Variants in GRM1 observed in about 807,000 individuals in gnomAD.
GRM1 encodes the protein glutamate metabotropic receptor 1.
In GRM1, 33 loss-of-function variants were observed where a neutral mutation model predicts 90.9. The ratio of observed to expected loss-of-function variants is 0.36; its 90% CI spans 0.28 to 0.49. The LOEUF is 0.49. GRM1 is among the 20% of genes least tolerant of loss of function. The probability of loss-of-function intolerance (pLI) is 0.99; values close to 1 mark genes in which losing one functional copy is unlikely to be tolerated. For synonymous variants in GRM1, 700 were observed against 613.2 expected (o/e 1.14, Z -2.09); for missense variants, 1,190 against 1,534.3 (o/e 0.78, Z 3.75).
chr6:146,365,651 C>T lies in GRM1; in HGVS notation c.1602+7957C>T, dbSNP rs182865378. 2.0e-5 allele frequency among the ~76,000 whole-genome samples: 3 copies of T among 152,242 alleles called. No homozygotes were observed. The East Asian group carries it at 5.8e-4, about 29-fold the overall frequency. On this transcript the variant is annotated intron_variant, in intron 5 of 7. Coordinates refer to ENST00000282753, the MANE Select transcript of GRM1 (RefSeq NM_001278064.2). The stretch of plus-strand genomic sequence containing the variant: ...AGTATGAAAATGCAGGGTACTCATC[C>T]TACCTAGCCTTGCTCTAGCTGTCCC...
At chr6:146,236,858 A>C (rs1205749476) in intron 2 of GRM1, among the ~76,000 whole-genome samples, 1 of 151,916 alleles carries the variant, frequency 6.6e-6, no homozygotes, top group Non-Finnish European at 1.5e-5. Context: ...CAAGATTTTC[A>C]CCCTGCCCCC....
Position 146,399,252 on chromosome 6 carries a change from G to A in GRM1, c.2213G>A (p.Ser738Asn). Residue 738 changes from serine to asparagine, a missense_variant, in exon 7 of 8, where the codon AGT becomes AAT. Physicochemically the swap from Ser to Asn is conservative, Grantham distance 46 (BLOSUM62 1). Transcript: ENST00000282753. The surrounding 1 kb of genome is among the most constrained non-coding windows in gnomAD (Gnocchi z 5.4). Reference protein sequence around the residue: ...EPPMPILSYPSIKEVYLICNT... With the variant: ...EPPMPILSYPNIKEVYLICNT... ...CCTATGCCCATTCTGTCCTACCCAA[G>A]TATCAAGGAAGTCTACCTTATCTGC... The A allele has an allele frequency of 1.2e-6, 2 of 1,614,030 alleles. No homozygotes were observed. Among genetic ancestry groups the A allele is most frequent in the Non-Finnish European group, 1.7e-6 (2 of 1,179,980 alleles).
At chr6:146,241,233 G>A (rs557048508) in intron 2 of GRM1, among the ~76,000 whole-genome samples, 1 of 152,134 alleles carries the variant, frequency 6.6e-6, no homozygotes, top group East Asian at 1.9e-4. Context: ...AGTTGAAGAG[G>A]GAGGCATTCT....
intron 1 of GRM1, among the ~76,000 whole-genome samples, chr6:146,142,311 C>A (rs532976225): frequency 1.6e-4 from 25 of 152,322 alleles, no homozygotes; most frequent in African/African-American, 5.5e-4. Context: ...GTGACACAAG[C>A]ACTCCTGTGG....
At position 146,398,107 on chromosome 6, in the gene GRM1, G is replaced by C. The variant is rs147953611; in HGVS notation, c.1730-662G>C. On this transcript the variant is annotated intron_variant, in intron 6 of 7. Transcript: ENST00000282753. ...GTCTTTCCTTTCAAGAGATGGGTTA[G>C]GGGAGATTTCATTCTTCCTGGATAT... Among the ~76,000 whole-genome samples, 416 of 152,302 alleles carry C rather than the reference G, an allele frequency of 2.7e-3. 3 individuals are homozygous for C. The highest frequency in any genetic ancestry group is 9.8e-3 in the African/African-American group (406 of 41,566).
chr6:146,429,996 G>A (rs1349547059), intron 7 of GRM1, among the ~76,000 whole-genome samples: 2 of 152,144 alleles, frequency 1.3e-5, no homozygotes, highest in African/African-American at 2.4e-5. Flanking sequence ...TTGTGCAGGA[G>A]GCTTCCCTCC....
intron 7 of GRM1, among the ~76,000 whole-genome samples, chr6:146,425,430 C>A (rs116527389): frequency 2.0e-5 from 3 of 152,250 alleles, no homozygotes; most frequent in Non-Finnish European, 4.4e-5. Context: ...AGTTTTCACT[C>A]GTCTGTCTAC....
chr6:146,211,690 T>A lies in GRM1; in HGVS notation c.950+52093T>A, dbSNP rs958730919. Among the ~76,000 whole-genome samples, 5 of 152,362 alleles carry A rather than the reference T, an allele frequency of 3.3e-5. No homozygotes were observed. In the East Asian group the frequency reaches 7.7e-4, roughly 23 times the overall value. ...AAATCCATGACTATACTTAAATTTC[T>A]ATGAGCTAATTGCTCAGACAATAAA... is the stretch of plus-strand genomic sequence containing the variant. On this transcript the variant is annotated intron_variant, in intron 2 of 7. Coordinates refer to ENST00000282753, the MANE Select transcript of GRM1 (RefSeq NM_001278064.2).
At chr6:146,031,653 C>T (rs1790712483) in intron 1 of GRM1, among the ~76,000 whole-genome samples, 2 of 152,072 alleles carry the variant, frequency 1.3e-5, no homozygotes, top group Admixed American at 6.6e-5. Flanking sequence ...TCATGAACTG[C>T]GTATCTCTTT....
intron 1 of GRM1, among the ~76,000 whole-genome samples, chr6:146,057,030 T>C (rs72996943): frequency 0.054 from 8,266 of 152,244 alleles, 307 homozygotes; most frequent in Non-Finnish European, 0.083. Flanking sequence ...TTGCTTGTGG[T>C]ATCCTAGTAA....
intron 5 of GRM1, among the ~76,000 whole-genome samples, chr6:146,373,928 CTTG>C (rs1196006182): frequency 6.6e-6 from 1 of 152,046 alleles, no homozygotes. Context: ...AGTGAGTATC[CTTG>C]TTGTGCTCCA....
intron 7 of GRM1, among the ~76,000 whole-genome samples, chr6:146,409,949 C>T (rs1777500396): frequency 6.6e-6 from 1 of 152,094 alleles, no homozygotes; most frequent in African/African-American, 2.4e-5. Context: ...ACTTTCCTTC[C>T]CCAAATTTTC....
intron 3 of GRM1, among the ~76,000 whole-genome samples, chr6:146,332,351 T>A (rs1784613725): frequency 6.6e-6 from 1 of 152,170 alleles, no homozygotes; most frequent in Non-Finnish European, 1.5e-5. Flanking sequence ...CCTGTTTAAG[T>A]TGTTGCATGA....
intron 1 of GRM1, among the ~76,000 whole-genome samples, chr6:146,113,349 CATG>C (rs933112051): frequency 2.0e-5 from 3 of 152,214 alleles, no homozygotes; most frequent in African/African-American, 7.2e-5. Flanking sequence ...CTTAAAGCTT[CATG>C]ATATTCCACT....
chr6:146,056,517 A>C (rs1562433904), intron 1 of GRM1, among the ~76,000 whole-genome samples: 1 of 152,176 alleles, frequency 6.6e-6, no homozygotes, highest in Non-Finnish European at 1.5e-5. Context: ...AGTCAAGTGT[A>C]GTGGCAAGAA....
At chr6:146,098,976 A>G (rs577347188) in intron 1 of GRM1, among the ~76,000 whole-genome samples, 2 of 152,322 alleles carry the variant, frequency 1.3e-5, no homozygotes, top group African/African-American at 4.8e-5. Flanking sequence ...TAGCAGTGTG[A>G]AAATGGACTA....
At chr6:146,358,132 A>T (rs1156624316) in intron 5 of GRM1, among the ~76,000 whole-genome samples, 1 of 152,124 alleles carries the variant, frequency 6.6e-6, no homozygotes, top group Non-Finnish European at 1.5e-5. Flanking sequence ...ACTGCTTATC[A>T]TTTTCCGTTT....
intron 1 of GRM1, among the ~76,000 whole-genome samples, chr6:146,099,750 C>A (rs978209975): frequency 3.9e-5 from 6 of 152,118 alleles, no homozygotes; most frequent in Admixed American, 1.3e-4. Flanking sequence ...ATTTTTAATA[C>A]TATACAGTGT....
intron 2 of GRM1, among the ~76,000 whole-genome samples, chr6:146,252,347 G>A (rs1191523133): frequency 1.3e-5 from 2 of 152,182 alleles, no homozygotes; most frequent in Non-Finnish European, 2.9e-5. Context: ...GGGTTTTAAG[G>A]ATAAATTAGG....
Sources: gnomAD v4.1 joint callset for allele counts (sites outside exome capture counted in the v4.1 genomes callset) on GRCh38, gnomAD v4.1.1 for gene constraint, Gnocchi (gnomAD v3.1) non-coding constraint, MANE v1.5 for transcripts, NCBI Gene and HGNC (gene_info 2026-07-23, HGNC 2026-07-21) for gene names.